Variants in COL19A1 observed in about 807,000 individuals in gnomAD.
The protein encoded by COL19A1 is collagen type XIX alpha 1 chain, also known as collagen alpha-1(XIX) chain.
In COL19A1, 159 loss-of-function variants were observed where a neutral mutation model predicts 190.2. That is an observed-to-expected ratio of 0.84 (90% CI 0.73 to 0.95). The LOEUF (loss-of-function observed/expected upper bound fraction) is 0.95. Among genes scored for constraint, COL19A1 ranks in the 40% least tolerant of loss-of-function variants. The pLI, the probability that COL19A1 is intolerant of heterozygous loss-of-function variation, is 0.00. For synonymous variants in COL19A1, 509 were observed against 458.9 expected, an observed-to-expected ratio of 1.11 and a Z score of -1.39; for missense variants, 1,418 against 1,431.9, an observed-to-expected ratio of 0.99 and a Z score of 0.16.
intron 15 of COL19A1, among the ~76,000 whole-genome samples, chr6:70,071,327 TACCACGCC>T (rs1554200124): frequency 6.6e-6 from 1 of 152,156 alleles, no homozygotes; most frequent in Non-Finnish European, 1.5e-5. Flanking sequence ...TTTTTGCAAG[TACCACGCC>T]AAGGTTCTGT....
chr6:70,206,861 C>A (rs1219626941), intron 49 of COL19A1, 40 bp from the exon 50 acceptor site: 2 of 1,572,592 alleles, frequency 1.3e-6, no homozygotes, highest in Middle Eastern at 1.7e-4. Flanking sequence ...TGCCATAGAA[C>A]CCTTTTTGTG....
At chr6:69,890,375 T>C (rs1172050387) in intron 2 of COL19A1, 3 of 152,204 alleles carry the variant, frequency 2.0e-5, no homozygotes, top group Admixed American at 6.5e-5. Flanking sequence ...TCTTTTATTT[T>C]TCTAGTGGGA....
chr6:70,002,819 T>C (rs1250141327), intron 11 of COL19A1, among the ~76,000 whole-genome samples: 38 of 148,700 alleles, frequency 2.6e-4, no homozygotes, highest in Non-Finnish European at 5.1e-4. Context: ...TTTTTTTTTT[T>C]CCTCAAAAAA....
At chr6:70,104,464 G>C (rs1376433406) in intron 16 of COL19A1, among the ~76,000 whole-genome samples, 2 of 152,126 alleles carry the variant, frequency 1.3e-5, no homozygotes, top group Non-Finnish European at 2.9e-5. Flanking sequence ...GACAGCACTA[G>C]GGGGATAGTG....
chr6:69,977,689 C>T (rs1167715874), intron 11 of COL19A1, among the ~76,000 whole-genome samples: 1 of 151,860 alleles, frequency 6.6e-6, no homozygotes, highest in Non-Finnish European at 1.5e-5. Context: ...ATTATTCTTG[C>T]AATTTATAGA....
At chr6:70,064,698 A>G (rs950007763) in intron 14 of COL19A1, among the ~76,000 whole-genome samples, 2 of 152,220 alleles carry the variant, frequency 1.3e-5, no homozygotes, top group Non-Finnish European at 2.9e-5. Context: ...ACATGATTGT[A>G]TATCTAGAAA....
intron 15 of COL19A1, among the ~76,000 whole-genome samples, chr6:70,092,143 C>T (rs948352350): frequency 7.2e-5 from 11 of 151,956 alleles, no homozygotes; most frequent in Non-Finnish European, 2.9e-5. Flanking sequence ...AGAAGAGAAC[C>T]GAAGAGCGCA....
chr6:70,149,791 G>A, intron 28 of COL19A1, 52 bp downstream of exon 28: 1 of 1,613,354 alleles, frequency 6.2e-7, no homozygotes, highest in Non-Finnish European at 8.5e-7. Flanking sequence ...TGCTTACTTG[G>A]GGGAAATGAC....
chr6:70,020,697 G>A (rs1270079048), intron 11 of COL19A1, among the ~76,000 whole-genome samples: 1 of 152,010 alleles, frequency 6.6e-6, no homozygotes, highest in Non-Finnish European at 1.5e-5. Context: ...CCAGGACTAG[G>A]GGAGAGGCTG....
At chr6:70,067,103 T>G (rs1263773070) in intron 14 of COL19A1, among the ~76,000 whole-genome samples, 3 of 152,106 alleles carry the variant, frequency 2.0e-5, no homozygotes, top group Non-Finnish European at 4.4e-5. Context: ...TGGTAAGTAC[T>G]TGAGAGAAAA....
At chr6:69,968,498 A>C (rs1259123035) in intron 11 of COL19A1, among the ~76,000 whole-genome samples, 1 of 152,164 alleles carries the variant, frequency 6.6e-6, no homozygotes. Context: ...CTATTTTTAT[A>C]CTAGTACCAC....
chr6:70,095,920 T>C (rs1783224925), intron 15 of COL19A1, among the ~76,000 whole-genome samples: 1 of 152,216 alleles, frequency 6.6e-6, no homozygotes, highest in Non-Finnish European at 1.5e-5. Flanking sequence ...CAACATTTTA[T>C]TTATCCATTC....
At chr6:70,042,118 T>G (rs560117205) in intron 14 of COL19A1, among the ~76,000 whole-genome samples, 1 of 152,200 alleles carries the variant, frequency 6.6e-6, no homozygotes, top group South Asian at 2.1e-4. Flanking sequence ...TCAGAAAAAT[T>G]CAAGTGCCTA....
At chr6:70,068,520 G>A (rs547685057) in intron 15 of COL19A1, 44 bp downstream of exon 15, 14 of 1,291,504 alleles carry the variant, frequency 1.1e-5, no homozygotes, top group African/African-American at 3.0e-5. Context: ...TAACTTAGGG[G>A]ATACTTATTT....
intron 49 of COL19A1, among the ~76,000 whole-genome samples, chr6:70,201,541 A>G (rs538560546): frequency 4.8e-4 from 73 of 152,330 alleles, no homozygotes; most frequent in Non-Finnish European, 9.1e-4. Flanking sequence ...CATGATTTCC[A>G]GTTTTTTTGT....
chr6:69,956,803 G>T (rs555419572), intron 9 of COL19A1, among the ~76,000 whole-genome samples: 1 of 152,102 alleles, frequency 6.6e-6, no homozygotes, highest in Non-Finnish European at 1.5e-5. Context: ...GGGGAAGTAT[G>T]ATATATTTCA....
intron 2 of COL19A1, among the ~76,000 whole-genome samples, chr6:69,886,547 G>A (rs143663885): frequency 7.5e-4 from 114 of 151,936 alleles, no homozygotes; most frequent in African/African-American, 2.4e-3. Context: ...TCATTGCAAC[G>A]TTATTCACAA....
In COL19A1 at chr6:69,939,910, A is replaced by G. The variant is rs80087762; in HGVS notation, c.936+1810A>G. Among the ~76,000 whole-genome samples the G allele has an allele frequency of 7.7e-4, 118 of 152,280 alleles. 1 individual carries two copies. The East Asian group carries it at 0.022, about 28-fold the overall frequency. The stretch of plus-strand genomic sequence containing the variant: ...GTGACACCAAAATGCCTTGAAAAAA[A>G]TGCATGTGGCTTAATTTTTGGTGAC... On this transcript the variant is annotated intron_variant, in intron 9 of 50. Transcript: ENST00000620364.
chr6:69,943,946 A>G (rs1384091255), intron 9 of COL19A1, among the ~76,000 whole-genome samples: 1 of 152,112 alleles, frequency 6.6e-6, no homozygotes, highest in Non-Finnish European at 1.5e-5. Flanking sequence ...TGTCTCTCTT[A>G]AGGTAAACCC....
Sources: allele counts gnomAD v4.1 joint callset (sites outside exome capture counted in the v4.1 genomes callset), GRCh38; gene constraint gnomAD v4.1.1; transcripts MANE v1.5; gene names NCBI Gene and HGNC (gene_info 2026-07-23, HGNC 2026-07-21).